ZNF560: variants seen among roughly 807,000 people sequenced by gnomAD.
The protein encoded by ZNF560 is zinc finger protein 560.
In ZNF560, 54 loss-of-function variants were observed where a neutral mutation model predicts 81.8. That is an observed-to-expected ratio of 0.66 (90% confidence interval 0.53 to 0.83). The LOEUF (loss-of-function observed/expected upper bound fraction) is 0.83, where lower values mean the gene tolerates loss of function less well. Ranked by LOEUF, ZNF560 falls within the 40% of genes least tolerant of loss-of-function variation. The pLI, the probability that ZNF560 is intolerant of heterozygous loss-of-function variation, is 0.00. For missense variants in ZNF560, 940 were observed against 932.4 expected, an observed-to-expected ratio of 1.01 and a Z score of -0.11; for synonymous variants, 321 against 317.9, an observed-to-expected ratio of 1.01 and a Z score of -0.10.
chr19:9,466,155 G>A (rs1239703078), downstream of ZNF560, among the ~76,000 whole-genome samples: 1 of 151,944 alleles, frequency 6.6e-6, no homozygotes, highest in East Asian at 1.9e-4. Flanking sequence ...GACTAGCTTG[G>A]CCAACATGGT....
At chr19:9,502,464 C>G (rs974495935), upstream of ZNF560, among the ~76,000 whole-genome samples, 1 of 152,158 alleles carries the variant, frequency 6.6e-6, no homozygotes, top group African/African-American at 2.4e-5. Flanking sequence ...CCTGGCTCAG[C>G]CTCCCAAAGT....
the ZNF560 span, among the ~76,000 whole-genome samples, chr19:9,451,812 C>A: frequency 6.6e-6 from 1 of 152,144 alleles, no homozygotes; most frequent in African/African-American, 2.4e-5. Flanking sequence ...CAGTGTCTCA[C>A]ACCTGTAACC....
the ZNF560 span, among the ~76,000 whole-genome samples, chr19:9,505,594 CCTT>C: frequency 1.3e-5 from 2 of 152,200 alleles, no homozygotes; most frequent in African/African-American, 4.8e-5. Flanking sequence ...ACTTTTAGCT[CCTT>C]ATTTCCTCCA....
chr19:9,486,039 C>A (rs762238926), intron 2 of ZNF560, among the ~76,000 whole-genome samples: 2 of 152,202 alleles, frequency 1.3e-5, no homozygotes, highest in Non-Finnish European at 2.9e-5. Flanking sequence ...TAGGAGGCAC[C>A]TAGCAAGGTG....
intron 6 of ZNF560, among the ~76,000 whole-genome samples, chr19:9,470,893 G>A (rs553020993): frequency 6.6e-6 from 1 of 152,106 alleles, no homozygotes; most frequent in African/African-American, 2.4e-5. Flanking sequence ...CTAGCACCCA[G>A]AAAAATAAAT....
At position 9,467,160 on chromosome 19, in the gene ZNF560, C is replaced by A. The variant is rs1389721359; in HGVS notation, c.1787G>T (p.Gly596Val). ...YLTKHLRRHS[G>V]EKPYECKKCG... ...TTTCTTACATTCATATGGCTTCTCTCCACTGTGTCTTCGTAAATGTTTAGT... is the reference window on the plus strand; with the variant it reads ...TTTCTTACATTCATATGGCTTCTCTACACTGTGTCTTCGTAAATGTTTAGT... The change falls in exon 10 of 10, where the codon GGA becomes GTA. Residue 596 changes from glycine to valine, a missense_variant. Physicochemically the swap from Gly to Val is moderately radical, Grantham distance 109 (BLOSUM62 -3). Coordinates refer to ENST00000301480, the MANE Select transcript of ZNF560 (RefSeq NM_152476.3). The A allele has an allele frequency of 6.2e-7, 1 of 1,614,032 alleles. No homozygotes were observed. The highest frequency in any genetic ancestry group is 1.7e-5 in the Admixed American group (1 of 60,022).
rs777764564 is a variant in ZNF560, at chr19:9,467,164, T to C, written c.1783A>G (p.Ser595Gly). The change falls in exon 10 of 10, where the codon AGT (serine) becomes GGT (glycine). Residue 595 changes from serine to glycine, a missense_variant. Ser to Gly is a moderately conservative substitution (Grantham distance 56). Transcript: ENST00000301480. ...TTACATTCATATGGCTTCTCTCCAC[T>C]GTGTCTTCGTAAATGTTTAGTAAGG... ...SYLTKHLRRHSGEKPYECKKC... is the reference protein window; with the variant it reads ...SYLTKHLRRHGGEKPYECKKC... The C allele has an allele frequency of 3.1e-6, 5 of 1,614,122 alleles. No homozygotes were observed. The highest frequency in any genetic ancestry group is 4.2e-6 in the Non-Finnish European group (5 of 1,180,020).
rs766615304 is a variant in ZNF560 at position 9,467,052 on chromosome 19, T to C, written c.1895A>G (p.Asp632Gly). 6.8e-6 allele frequency: 11 copies of C among 1,614,092 alleles called. No homozygotes were observed. Among genetic ancestry groups the C allele is most frequent in the Non-Finnish European group, 8.5e-6 (10 of 1,180,026 alleles). Residue 632 changes from aspartate to glycine, a missense_variant, in exon 10 of 10, where the codon GAC (aspartate) becomes GGC (glycine). Physicochemically the swap from Asp to Gly is moderately conservative, Grantham distance 94 (BLOSUM62 -1). Transcript: ENST00000301480. ...HTGDKPYEYK[D>G]CGKAFVVSSS... ...GGAGACAACAAAGGCTTTCCCACAG[T>C]CCTTATATTCATAGGGCTTATCTCC...
chr19:9,449,942 C>A, the ZNF560 span, among the ~76,000 whole-genome samples: 1 of 134,360 alleles, frequency 7.4e-6, no homozygotes, highest in African/African-American at 2.9e-5. Context: ...GCACTGCACT[C>A]CAGCTTGGAC....
the ZNF560 span, among the ~76,000 whole-genome samples, chr19:9,459,074 T>G: frequency 6.6e-6 from 1 of 152,212 alleles, no homozygotes; most frequent in African/African-American, 2.4e-5. Context: ...CTAGCCAAGC[T>G]CTAGCTACAT....
chr19:9,497,876 G>A (rs2073587712), intron 2 of ZNF560, among the ~76,000 whole-genome samples: 1 of 152,178 alleles, frequency 6.6e-6, no homozygotes, highest in Non-Finnish European at 1.5e-5. Flanking sequence ...AGGAACTTCA[G>A]ATGAAAAGAA....
At position 9,466,771 on chromosome 19, in the gene ZNF560, C is replaced by G. The variant is rs2073025851; in HGVS notation, c.2176G>C (p.Asp726His). Residue 726 changes from aspartate to histidine, a missense_variant, in exon 10 of 10, where the codon GAT becomes CAT. Transcript: ENST00000301480. ...TGAATTCGCACATGATTAGTAAGAT[C>G]TGAATGACAAGTGAAGGCTTTCCCA... ...DCGKAFTCHS[D>H]LTNHVRIHTG... 2 of 1,614,006 alleles carry G rather than the reference C, an allele frequency of 1.2e-6. No homozygotes were observed. The highest frequency in any genetic ancestry group is 1.7e-6 in the Non-Finnish European group (2 of 1,179,972).
In ZNF560 at chr19:9,469,227, T is replaced by C. The variant is rs758845133; in HGVS notation, c.530-40A>G. Reference sequence around the variant, plus strand: ...AAAAATATACATGAGAGTTTACACATGAAATGGTAGGTTAAATAAAAAGCA... The same window carrying C: ...AAAAATATACATGAGAGTTTACACACGAAATGGTAGGTTAAATAAAAAGCA... On this transcript the variant is annotated intron_variant, in intron 8 of 9. Coordinates refer to ENST00000301480, the MANE Select transcript of ZNF560 (RefSeq NM_152476.3). 12 of 1,434,162 alleles carry C rather than the reference T, an allele frequency of 8.4e-6. No individual in the cohort carries two copies. In the East Asian group the frequency reaches 1.4e-4, roughly 17 times the overall value. The allele number at this position is 1,434,162 out of a possible 1,614,324, so 88.8% of individuals were successfully genotyped here. A position where few individuals can be genotyped will look rare whatever the true frequency, so the allele number is the denominator to read the frequency against.
At chr19:9,505,831 T>C in the ZNF560 span, among the ~76,000 whole-genome samples, 77 of 152,178 alleles carry the variant, frequency 5.1e-4, no homozygotes, top group Non-Finnish European at 7.5e-4. Context: ...ACCTGGCTAA[T>C]TTTTGTATTT....
chr19:9,494,837 G>A (rs1419889209), intron 2 of ZNF560, among the ~76,000 whole-genome samples: 2 of 152,134 alleles, frequency 1.3e-5, no homozygotes, highest in Non-Finnish European at 2.9e-5. Context: ...AACCCGGGAG[G>A]CAGAGGTTGT....
intron 6 of ZNF560, 51 bp downstream of exon 6, chr19:9,471,245 C>A: frequency 7.5e-7 from 1 of 1,332,818 alleles, no homozygotes; most frequent in South Asian, 1.3e-5. Flanking sequence ...TATTGGAAGT[C>A]CCAATATTCT....
intron 2 of ZNF560, among the ~76,000 whole-genome samples, chr19:9,487,072 G>T (rs1044334795): frequency 6.6e-6 from 1 of 152,162 alleles, no homozygotes; most frequent in Non-Finnish European, 1.5e-5. Flanking sequence ...TTATTGGCCA[G>T]TCAGGTTTAG....
intron 9 of ZNF560, 129 bp downstream of exon 9, chr19:9,468,976 C>G: frequency 1.5e-6 from 1 of 678,860 alleles, no homozygotes; most frequent in Non-Finnish European, 2.5e-6. Context: ...GATCCGCCTG[C>G]CTCAGCCTCC....
At chr19:9,447,292 G>A in the ZNF560 span, among the ~76,000 whole-genome samples, 1 of 152,056 alleles carries the variant, frequency 6.6e-6, no homozygotes, top group East Asian at 1.9e-4. Flanking sequence ...CTCTCCAGAT[G>A]AGAAGGAAAC....
Sources: gnomAD v4.1 joint callset for allele counts (sites outside exome capture counted in the v4.1 genomes callset) on GRCh38, gnomAD v4.1.1 for gene constraint, MANE v1.5 for transcripts, NCBI Gene and HGNC (gene_info 2026-07-23, HGNC 2026-07-21) for gene names.